ZC3H6: variants seen among roughly 807,000 people sequenced by gnomAD.
The protein encoded by ZC3H6 is zinc finger CCCH-type containing 6, also known as zinc finger CCCH domain-containing protein 6.
In ZC3H6, 40 loss-of-function variants were observed where a neutral mutation model predicts 107.7. The observed-to-expected ratio is 0.37, with a 90% CI of 0.29 to 0.48. ZC3H6 has a LOEUF of 0.48. Among genes scored for constraint, ZC3H6 ranks in the 20% least tolerant of loss-of-function variants. The pLI, the probability that ZC3H6 is intolerant of heterozygous loss-of-function variation, is 0.98. For synonymous variants in ZC3H6, 493 were observed against 487.9 expected (o/e 1.01, Z -0.14); for missense variants, 1,267 against 1,410.4 (o/e 0.90, Z 1.63).
chr2:112,331,874 A>G lies in ZC3H6; in HGVS notation c.2956A>G (p.Met986Val), dbSNP rs750092025. The change falls in exon 12 of 12, where the codon ATG (methionine) becomes GTG (valine). Residue 986 changes from methionine to valine, a missense_variant. Met to Val is a conservative substitution (Grantham distance 21). This residue lies in a region of ZC3H6 where 925 missense variants were observed against 1,025.7 expected (regional missense o/e 0.90). Coordinates refer to ENST00000409871, the MANE Select transcript of ZC3H6 (RefSeq NM_198581.3). Reference sequence around the variant, plus strand: ...CAATACAGAGTCTCATCAAGTGGTTATGAAGGATTCACATGCATCAAAGGG... The same window carrying G: ...CAATACAGAGTCTCATCAAGTGGTTGTGAAGGATTCACATGCATCAAAGGG... Reference protein sequence around the residue: ...LPNTESHQVVMKDSHASKGAP... With the variant: ...LPNTESHQVVVKDSHASKGAP... 34 of 1,613,860 alleles carry G rather than the reference A, an allele frequency of 2.1e-5. No individual in the cohort carries two copies. In the Admixed American group the frequency reaches 5.3e-4, roughly 25 times the overall value.
intron 6 of ZC3H6, 90 bp from the exon 7 acceptor site, chr2:112,317,131 A>G (rs373055332): frequency 1.5e-6 from 1 of 669,100 alleles, no homozygotes; most frequent in African/African-American, 1.9e-5. Context: ...TTACCATGAG[A>G]CACCATGTAG....
At chr2:112,326,772 C>G (rs1676913278) in intron 11 of ZC3H6, among the ~76,000 whole-genome samples, 1 of 152,056 alleles carries the variant, frequency 6.6e-6, no homozygotes, top group Non-Finnish European at 1.5e-5. Context: ...ACCACCATGC[C>G]CAGCTAATTT....
At chr2:112,296,604 C>T (rs1676240259) in intron 1 of ZC3H6, among the ~76,000 whole-genome samples, 1 of 152,082 alleles carries the variant, frequency 6.6e-6, no homozygotes, top group South Asian at 2.1e-4. Context: ...CCAAGACTGC[C>T]TCATAAGCAA....
intron 1 of ZC3H6, among the ~76,000 whole-genome samples, chr2:112,298,160 A>ATTT (rs10691661): frequency 0.65 from 98,766 of 151,600 alleles, 34,106 homozygotes; most frequent in African/African-American, 0.9. Context: ...TTTTTAAAAA[A>ATTT]TTTATTTTTT....
intron 2 of ZC3H6, among the ~76,000 whole-genome samples, chr2:112,300,761 G>A (rs1676358303): frequency 6.6e-6 from 1 of 152,060 alleles, no homozygotes; most frequent in African/African-American, 2.4e-5. Context: ...ATTGCAATGG[G>A]AAAGCTATGA....
At chr2:112,283,484 C>T (rs1316523560) in intron 1 of ZC3H6, among the ~76,000 whole-genome samples, 1 of 152,088 alleles carries the variant, frequency 6.6e-6, no homozygotes, top group African/African-American at 2.4e-5. Context: ...CATAAAACTA[C>T]ATAAAAATCA....
At chr2:112,328,197 GTC>G (rs1450229601) in intron 11 of ZC3H6, among the ~76,000 whole-genome samples, 1 of 152,030 alleles carries the variant, frequency 6.6e-6, no homozygotes, top group Non-Finnish European at 1.5e-5. Flanking sequence ...CAGCTTATGT[GTC>G]TGTTTTTATG....
At position 112,331,715 on chromosome 2, in the gene ZC3H6, G is replaced by T. The variant is rs1301571839; in HGVS notation, c.2797G>T (p.Ala933Ser). ...TACAGTGTCCATTGATCCAAAATTAGCAGCCAAAGCCAAAATTAACACAAC... is the reference window on the plus strand; with the variant it reads ...TACAGTGTCCATTGATCCAAAATTATCAGCCAAAGCCAAAATTAACACAAC... Reference protein sequence around the residue: ...QNTVSIDPKLAAKAKINTTNR... With the variant: ...QNTVSIDPKLSAKAKINTTNR... The change falls in exon 12 of 12, where the codon GCA (alanine) becomes TCA (serine). Residue 933 changes from alanine to serine, a missense_variant. Coordinates refer to ENST00000409871, the MANE Select transcript of ZC3H6 (RefSeq NM_198581.3). 7.4e-6 allele frequency: 12 copies of T among 1,613,688 alleles called. No homozygotes were observed. Among genetic ancestry groups the T allele is most frequent in the Non-Finnish European group, 1.0e-5 (12 of 1,179,862 alleles).
intron 8 of ZC3H6, among the ~76,000 whole-genome samples, chr2:112,322,353 G>A (rs1263349707): frequency 1.3e-5 from 2 of 149,584 alleles, no homozygotes; most frequent in East Asian, 2.0e-4. Flanking sequence ...CCCCACCCCT[G>A]CCCCTGGGGT....
At chr2:112,298,607 A>G (rs1041350466) in intron 1 of ZC3H6, among the ~76,000 whole-genome samples, 4 of 152,244 alleles carry the variant, frequency 2.6e-5, no homozygotes, top group African/African-American at 7.2e-5. Context: ...GAATTACTTC[A>G]TGCTTAAAAA....
In ZC3H6 at chr2:112,318,346, C is replaced by T. The variant is rs147052725; in HGVS notation, c.976+1014C>T. On this transcript the variant is annotated intron_variant, in intron 7 of 11. Coordinates refer to ENST00000409871, the MANE Select transcript of ZC3H6 (RefSeq NM_198581.3). ...GCATTTGCAAAACAAATACATATAA[C>T]ATGAGCTAAATAATAAGATAAATAA... is the stretch of plus-strand genomic sequence containing the variant. Among the ~76,000 whole-genome samples the T allele has an allele frequency of 1.3e-3, 203 of 152,092 alleles. 1 individual carries two copies. Among genetic ancestry groups the T allele is most frequent in the African/African-American group, 4.8e-3 (199 of 41,458 alleles).
chr2:112,336,866 C>T lies in ZC3H6; in HGVS notation c.*4378C>T, dbSNP rs1239105873. The T allele has an allele frequency of 6.6e-6, 1 of 152,144 alleles. No individual in the cohort carries two copies. The highest frequency in any genetic ancestry group is 2.4e-5 in the African/African-American group (1 of 41,430). 9.4% of individuals were successfully genotyped at this position (152,144 alleles called of 1,614,324 possible). On this transcript the variant is annotated 3_prime_UTR_variant, in exon 12 of 12. Coordinates refer to ENST00000409871, the MANE Select transcript of ZC3H6 (RefSeq NM_198581.3). ...ATATTTTATGCTTTTGGAGACAGGACCCACATGTATCTCCTTATTTTTATA... is the reference window on the plus strand; with the variant it reads ...ATATTTTATGCTTTTGGAGACAGGATCCACATGTATCTCCTTATTTTTATA...
chr2:112,315,876 C>T (rs1476063767), intron 5 of ZC3H6, among the ~76,000 whole-genome samples: 1 of 152,154 alleles, frequency 6.6e-6, no homozygotes, highest in Non-Finnish European at 1.5e-5. Flanking sequence ...AGCCACCATG[C>T]CTGATCTGTA....
chr2:112,332,419 A>G lies in ZC3H6; in HGVS notation c.3501A>G (p.Arg1167=). Residue 1167 remains arginine (R), a synonymous_variant, in exon 12 of 12, where the codon AGA becomes AGG. Transcript: ENST00000409871. ...GSPTPDNDPG[R]ETDDKSLKEV... is the part of the protein sequence containing the mutation. ...CGACCCCAGATAATGATCCCGGTAG[A>G]GAAACAGATGACAAATCTCTGAAAG... The G allele has an allele frequency of 6.2e-7, 1 of 1,612,032 alleles. No individual in the cohort carries two copies.
intron 8 of ZC3H6, among the ~76,000 whole-genome samples, chr2:112,322,409 C>A (rs1676821145): frequency 6.6e-6 from 1 of 151,718 alleles, no homozygotes; most frequent in Non-Finnish European, 1.5e-5. Flanking sequence ...CCATGCCCAG[C>A]TAATTTTTGC....
At chr2:112,316,234 A>G (rs1219649464) in intron 5 of ZC3H6, among the ~76,000 whole-genome samples, 4 of 150,626 alleles carry the variant, frequency 2.7e-5, no homozygotes, top group African/African-American at 9.9e-5. Flanking sequence ...TTTTATTTAA[A>G]AAGTTATTCA....
At chr2:112,316,714 T>C (rs754409545) in intron 6 of ZC3H6, 128 bp downstream of exon 6, 1 of 594,346 alleles carries the variant, frequency 1.7e-6, no homozygotes, top group Non-Finnish European at 3.0e-6. Flanking sequence ...CTTTAAAATG[T>C]ATCTTGCATG....
intron 11 of ZC3H6, among the ~76,000 whole-genome samples, chr2:112,326,334 T>G (rs1358476356): frequency 6.6e-6 from 1 of 152,184 alleles, no homozygotes; most frequent in African/African-American, 2.4e-5. Flanking sequence ...TTGGTACCCA[T>G]TAACCGTCCC....
chr2:112,325,205 A>G lies in ZC3H6; in HGVS notation c.2086+8A>G. 2 of 1,613,080 alleles carry G rather than the reference A, an allele frequency of 1.2e-6. No homozygotes were observed. Among genetic ancestry groups the G allele is most frequent in the African/African-American group, 1.3e-5 (1 of 75,048 alleles). ...CACCAAGCAAGGAAGAAGGTGTGTC[A>G]GAAGTTATTAATAGCATCTTACCTA... is the stretch of plus-strand genomic sequence containing the variant. On this transcript the variant is annotated splice_region_variant and intron_variant, in intron 11 of 11. Transcript: ENST00000409871.
Sources: gnomAD v4.1 joint callset for allele counts (sites outside exome capture counted in the v4.1 genomes callset) on GRCh38, gnomAD v4.1.1 for gene constraint, gnomAD v4.1.1 regional missense constraint, MANE v1.5 for transcripts, NCBI Gene and HGNC (gene_info 2026-07-23, HGNC 2026-07-21) for gene names.